Variants in C10orf143 observed in about 807,000 individuals in gnomAD.
C10orf143 encodes the protein chromosome 10 open reading frame 143, also known as uncharacterized protein C10orf143.
intron 3 of C10orf143, among the ~76,000 whole-genome samples, chr10:130,055,046 A>C (rs1229058321): frequency 1.3e-5 from 2 of 152,224 alleles, no homozygotes; most frequent in African/African-American, 2.4e-5. Context: ...ACCATACAAA[A>C]AAAAATCAAC....
intron 1 of C10orf143, chr10:130,106,142 G>T: frequency 1.3e-6 from 1 of 769,000 alleles, no homozygotes; most frequent in Non-Finnish European, 2.3e-6. Context: ...TATGAGACTG[G>T]ATTCGAATCC....
rs1422633294 is a variant in C10orf143, at chr10:130,106,876, G to GGCT, written c.69+3825_69+3827dup. On this transcript the variant is annotated intron_variant, in intron 1 of 3. Coordinates refer to ENST00000637128, the MANE Select transcript of C10orf143 (RefSeq NM_001355042.2). Reference sequence around the variant, plus strand: ...AACATTTGCTAAAGATGAAAGATTGGGCTGCTAGGCTTAGAGAAGACGTAA... The same window carrying GGCT: ...AACATTTGCTAAAGATGAAAGATTGGGCTGCTGCTAGGCTTAGAGAAGACGTAA... 3.7e-6 allele frequency: 4 copies of GGCT among 1,087,742 alleles called. No homozygotes were observed. In the Admixed American group the frequency reaches 6.8e-5, roughly 18 times the overall value. 67.4% of individuals were successfully genotyped at this position (1,087,742 alleles called of 1,614,324 possible).
chr10:130,105,977 G>A (rs1421317162), intron 1 of C10orf143: 7 of 403,972 alleles, frequency 1.7e-5, no homozygotes, highest in Non-Finnish European at 2.9e-5. Context: ...CCGGACGCAA[G>A]GCTGCGAGTT....
At chr10:130,090,776 C>A (rs1283894240) in intron 1 of C10orf143, among the ~76,000 whole-genome samples, 1 of 152,154 alleles carries the variant, frequency 6.6e-6, no homozygotes, top group African/African-American at 2.4e-5. Context: ...GCGGTTTTCC[C>A]CTCACAGTGT....
intron 1 of C10orf143, chr10:130,107,556 A>C: frequency 7.4e-7 from 1 of 1,343,486 alleles, no homozygotes; most frequent in South Asian, 1.2e-5. Context: ...TATGTACTTG[A>C]TGTTCCAAAT....
chr10:130,083,681 A>C (rs939760169), intron 1 of C10orf143, among the ~76,000 whole-genome samples: 1 of 152,236 alleles, frequency 6.6e-6, no homozygotes, highest in African/African-American at 2.4e-5. Context: ...GTAAGAAAGA[A>C]GGGGTTATAA....
intron 3 of C10orf143, among the ~76,000 whole-genome samples, chr10:130,045,182 C>T (rs2134726227): frequency 6.6e-6 from 1 of 152,350 alleles, no homozygotes; most frequent in African/African-American, 2.4e-5. Flanking sequence ...ACAGCTTTGT[C>T]CCAGTACTGG....
At chr10:130,048,931 C>G (rs1260470132) in intron 3 of C10orf143, among the ~76,000 whole-genome samples, 3 of 152,180 alleles carry the variant, frequency 2.0e-5, no homozygotes, top group African/African-American at 7.2e-5. Context: ...TTTCCAACTC[C>G]TGGTCTCAGA....
rs543090683 is a variant in C10orf143 at position 130,101,217 on chromosome 10, G to GA, written c.69+9486dup. 674 of 135,094 alleles carry GA rather than the reference G, an allele frequency of 5.0e-3. 5 individuals are homozygous for GA. Among genetic ancestry groups the GA allele is most frequent in the South Asian group, 0.018 (77 of 4,182 alleles). The allele number at this position is 135,094 out of a possible 1,614,324, so 8.4% of individuals were successfully genotyped here. A position where few individuals can be genotyped will look rare whatever the true frequency, so the allele number is the denominator to read the frequency against. On this transcript the variant is annotated intron_variant, in intron 1 of 3. Transcript: ENST00000637128. ...CTGGGCAACAGAGACTCTGTCTGGG[G>GA]AAAAAAAAAAAAAAATCTATCTATT...
At chr10:130,096,306 G>A (rs919424035) in intron 1 of C10orf143, among the ~76,000 whole-genome samples, 1 of 151,950 alleles carries the variant, frequency 6.6e-6, no homozygotes, top group Non-Finnish European at 1.5e-5. Flanking sequence ...TGCTGGAGAG[G>A]ATGTGGAGAA....
chr10:130,075,498 C>T (rs556587163), intron 3 of C10orf143, among the ~76,000 whole-genome samples: 35 of 152,210 alleles, frequency 2.3e-4, no homozygotes, highest in Admixed American at 4.6e-4. Flanking sequence ...AGCTGATTAG[C>T]GCTGGTAAGA....
intron 3 of C10orf143, among the ~76,000 whole-genome samples, chr10:130,041,287 C>G (rs1860604021): frequency 6.6e-6 from 1 of 152,232 alleles, no homozygotes; most frequent in Non-Finnish European, 1.5e-5. Flanking sequence ...AGCTTGACCT[C>G]TACTGAGTCC....
intron 1 of C10orf143, among the ~76,000 whole-genome samples, chr10:130,080,535 T>C (rs1056504437): frequency 5.4e-4 from 83 of 152,346 alleles, no homozygotes; most frequent in African/African-American, 1.7e-3. Flanking sequence ...ATGTTGTAAC[T>C]GACACAGAGT....
chr10:130,086,114 A>C (rs1248015433), intron 1 of C10orf143, among the ~76,000 whole-genome samples: 1 of 152,202 alleles, frequency 6.6e-6, no homozygotes, highest in African/African-American at 2.4e-5. Context: ...AAATACTTTC[A>C]ATGCCATGTA....
chr10:130,097,612 TCA>T (rs545530663), intron 1 of C10orf143, among the ~76,000 whole-genome samples: 177 of 152,284 alleles, frequency 1.2e-3, no homozygotes, highest in Middle Eastern at 3.4e-3. Flanking sequence ...AGAGATATGT[TCA>T]CACAATGATC....
intron 3 of C10orf143, among the ~76,000 whole-genome samples, chr10:130,052,733 A>G (rs1860750796): frequency 2.0e-5 from 3 of 152,266 alleles, no homozygotes; most frequent in African/African-American, 7.2e-5. Flanking sequence ...ACACCAGTGA[A>G]TAAGACTATC....
intron 1 of C10orf143, among the ~76,000 whole-genome samples, chr10:130,084,589 C>A (rs1370110499): frequency 6.6e-6 from 1 of 151,872 alleles, no homozygotes; most frequent in African/African-American, 2.4e-5. Flanking sequence ...TAATACATAT[C>A]CAGACAGAGA....
At chr10:130,042,984 CAGGAA>C (rs1167215840) in intron 3 of C10orf143, among the ~76,000 whole-genome samples, 2 of 152,176 alleles carry the variant, frequency 1.3e-5, no homozygotes, top group African/African-American at 2.4e-5. Flanking sequence ...TAATACACTC[CAGGAA>C]AAAACTCGGA....
intron 1 of C10orf143, among the ~76,000 whole-genome samples, chr10:130,081,775 T>C (rs1238821963): frequency 5.3e-4 from 1 of 1,880 alleles, no homozygotes; most frequent in African/African-American, 7.1e-3. Flanking sequence ...TCAGAATCCA[T>C]GAAATACATT....
Sources: allele counts gnomAD v4.1 joint callset (sites outside exome capture counted in the v4.1 genomes callset), GRCh38; gene constraint gnomAD v4.1.1; transcripts MANE v1.5; gene names NCBI Gene and HGNC (gene_info 2026-07-23, HGNC 2026-07-21).